The following KDM4B variants were observed in gnomAD, a reference collection of about 807,000 sequenced individuals.
KDM4B encodes the protein lysine-specific demethylase 4B.
Under a neutral mutation model 125.2 loss-of-function variants are expected in KDM4B, and 32 were observed. The ratio of observed to expected loss-of-function variants is 0.26; its 90% confidence interval spans 0.19 to 0.34. The LOEUF is 0.34. Ranked by LOEUF, KDM4B falls within the 10% of genes least tolerant of loss-of-function variation. KDM4B has a pLI of 1.00. For missense variants in KDM4B, 1,190 were observed against 1,577.7 expected (o/e 0.75, Z 4.16); for synonymous variants, 721 against 677.9 (o/e 1.06, Z -0.99).
intron 1 of KDM4B, among the ~76,000 whole-genome samples, chr19:4,984,880 C>T (rs1206127917): frequency 6.6e-6 from 1 of 152,138 alleles, no homozygotes; most frequent in African/African-American, 2.4e-5. Context: ...CTCCGTGAAA[C>T]CCGAGGTCTC....
At chr19:4,983,321 C>T (rs1256052594) in intron 1 of KDM4B, among the ~76,000 whole-genome samples, 1 of 152,176 alleles carries the variant, frequency 6.6e-6, no homozygotes, top group African/African-American at 2.4e-5. Context: ...TCCTCCCACC[C>T]TCCCAATCCT....
rs528760308 is a variant in KDM4B, at chr19:5,142,544, G to A, written c.2551-1423G>A. Among the ~76,000 whole-genome samples, 248 of 152,240 alleles carry A rather than the reference G, an allele frequency of 1.6e-3. No homozygotes were observed. The highest frequency in any genetic ancestry group is 3.4e-3 in the Middle Eastern group (1 of 294). On this transcript the variant is annotated intron_variant, in intron 18 of 22. Coordinates refer to ENST00000159111, the MANE Select transcript of KDM4B (RefSeq NM_015015.3). The surrounding 1 kb of genome is among the most constrained non-coding windows in gnomAD (Gnocchi z 5.4). ...ATGGTGCTGGGCACCAGCCTGCCCC[G>A]GGGCTGGGTTTCTCCTGGGCCTGGG... is the stretch of plus-strand genomic sequence containing the variant.
In KDM4B at chr19:5,151,667, C is replaced by T. The variant is rs1398912180; in HGVS notation, c.*156C>T. 42 of 585,520 alleles carry T rather than the reference C, an allele frequency of 7.2e-5. No homozygotes were observed. Among genetic ancestry groups the T allele is most frequent in the Admixed American group, 1.3e-4 (3 of 22,866 alleles). The allele number at this position is 585,520 out of a possible 1,614,324, so 36.3% of individuals were successfully genotyped here. On this transcript the variant is annotated 3_prime_UTR_variant, in exon 23 of 23. Coordinates refer to ENST00000159111, the MANE Select transcript of KDM4B (RefSeq NM_015015.3). ...CCTAGGGCGACAGGAGCCAGCGGGA[C>T]GCCGCACGCGGCCCCAGACTCAGGG...
intron 11 of KDM4B, among the ~76,000 whole-genome samples, chr19:5,130,703 C>T (rs997580126): frequency 1.3e-5 from 2 of 152,232 alleles, no homozygotes; most frequent in African/African-American, 4.8e-5. Context: ...TTGGTACGGC[C>T]CACCCAGGTG....
intron 9 of KDM4B, among the ~76,000 whole-genome samples, chr19:5,110,300 A>T (rs1347259300): frequency 1.3e-5 from 2 of 152,156 alleles, no homozygotes; most frequent in South Asian, 2.1e-4. Context: ...GCGAGACCCC[A>T]TCTCTAAAAA....
chr19:5,046,294 C>T (rs1452082864), intron 5 of KDM4B, among the ~76,000 whole-genome samples: 1 of 152,236 alleles, frequency 6.6e-6, no homozygotes, highest in African/African-American at 2.4e-5. Flanking sequence ...GGAAACAGCC[C>T]ACAGCAGAGA....
At chr19:5,083,975 G>A (rs1057194501) in intron 9 of KDM4B, among the ~76,000 whole-genome samples, 3 of 152,128 alleles carry the variant, frequency 2.0e-5, no homozygotes, top group African/African-American at 4.8e-5. Context: ...GGCCTGGTGC[G>A]GTGGCTTATG....
intron 5 of KDM4B, among the ~76,000 whole-genome samples, chr19:5,041,964 C>A (rs541202694): frequency 6.6e-6 from 1 of 152,212 alleles, no homozygotes; most frequent in Non-Finnish European, 1.5e-5. Flanking sequence ...CCGAGGGCGC[C>A]GGTTTATGAC....
At chr19:5,139,323 C>T (rs1039678395) in intron 18 of KDM4B, among the ~76,000 whole-genome samples, 5 of 152,042 alleles carry the variant, frequency 3.3e-5, no homozygotes, top group East Asian at 1.9e-4. Flanking sequence ...GGATGGACGA[C>T]GTTGTGTTGA....
At chr19:5,143,815 TG>T in intron 18 of KDM4B, 151 bp from the exon 19 acceptor site, 2 of 634,284 alleles carry the variant, frequency 3.2e-6, no homozygotes, top group Non-Finnish European at 5.3e-6. Context: ...CTGCGGGCTC[TG>T]GGCTGTGGAG....
chr19:5,117,809 C>T (rs2039286746), intron 10 of KDM4B, among the ~76,000 whole-genome samples: 1 of 152,174 alleles, frequency 6.6e-6, no homozygotes, highest in Admixed American at 6.5e-5. Flanking sequence ...ACCTTGTGTG[C>T]ACCATGCTGT....
chr19:5,058,550 C>A (rs567262673), intron 6 of KDM4B, among the ~76,000 whole-genome samples: 145 of 152,246 alleles, frequency 9.5e-4, no homozygotes, highest in Admixed American at 7.5e-3. Flanking sequence ...GCTGTAGGAG[C>A]AGGCTTTCGG....
chr19:5,102,609 T>A (rs2038958666), intron 9 of KDM4B, among the ~76,000 whole-genome samples: 1 of 152,136 alleles, frequency 6.6e-6, no homozygotes, highest in African/African-American at 2.4e-5. Context: ...TCCCGGTCTC[T>A]TGCTGTTGGC....
chr19:5,137,870 G>A lies in KDM4B; in HGVS notation c.2442-92G>A. 4 of 1,213,050 alleles carry A rather than the reference G, an allele frequency of 3.3e-6. No homozygotes were observed. In the South Asian group the frequency reaches 4.1e-5, roughly 12 times the overall value. 75.1% of individuals were successfully genotyped at this position (1,213,050 alleles called of 1,614,324 possible). A position where few individuals can be genotyped will look rare whatever the true frequency, so the allele number is the denominator to read the frequency against. On this transcript the variant is annotated intron_variant, in intron 17 of 22. Transcript: ENST00000159111. Reference sequence around the variant, plus strand: ...ACCTTCCTGAAGTTCCCCAGGCCCTGACCCAGCCGACAGCCACATCACGCC... The same window carrying A: ...ACCTTCCTGAAGTTCCCCAGGCCCTAACCCAGCCGACAGCCACATCACGCC...
chr19:5,137,711 G>A, intron 17 of KDM4B, 35 bp downstream of exon 17: 2 of 1,547,444 alleles, frequency 1.3e-6, no homozygotes, highest in South Asian at 2.4e-5. Flanking sequence ...TGGAGGGCCG[G>A]AGGGGAGCCT....
At chr19:5,111,388 G>C in intron 10 of KDM4B, 1 of 764,976 alleles carries the variant, frequency 1.3e-6, no homozygotes, top group South Asian at 1.3e-5. Flanking sequence ...CCCTCCCTGC[G>C]TATCGCCGCA....
At chr19:5,018,535 T>G (rs1266138302) in intron 2 of KDM4B, among the ~76,000 whole-genome samples, 2 of 152,202 alleles carry the variant, frequency 1.3e-5, no homozygotes, top group Admixed American at 1.3e-4. Context: ...GGTCCCCAGA[T>G]AGGCTGCCTT....
At chr19:5,102,906 A>C (rs1253954946) in intron 9 of KDM4B, among the ~76,000 whole-genome samples, 1 of 152,222 alleles carries the variant, frequency 6.6e-6, no homozygotes, top group Admixed American at 6.5e-5. Context: ...TTTATTGGGC[A>C]TTAATATTTA....
intron 13 of KDM4B, among the ~76,000 whole-genome samples, chr19:5,133,448 G>GC (rs1908880690): frequency 6.6e-6 from 1 of 152,186 alleles, no homozygotes; most frequent in African/African-American, 2.4e-5. Context: ...GCTGGTCACT[G>GC]CCGACGCCCC....
Sources: allele counts gnomAD v4.1 joint callset (sites outside exome capture counted in the v4.1 genomes callset), GRCh38; gene constraint gnomAD v4.1.1; non-coding constraint Gnocchi (gnomAD v3.1); transcripts MANE v1.5; gene names NCBI Gene and HGNC (gene_info 2026-07-23, HGNC 2026-07-21).